The following THOC5 variants were observed in gnomAD, a reference collection of about 807,000 sequenced individuals.
The protein encoded by THOC5 is Fms-interacting protein.
THOC5 carries 43 observed loss-of-function variants against 92.9 expected under a neutral mutation model. The ratio of observed to expected loss-of-function variants is 0.46; its 90% CI spans 0.36 to 0.60. The LOEUF is 0.60. THOC5 is among the 20% of genes least tolerant of loss of function. THOC5 has a pLI of 0.00. For missense variants in THOC5, 659 were observed against 849.4 expected (o/e 0.78, Z 2.79); for synonymous variants, 296 against 320.1 (o/e 0.92, Z 0.80).
intron 12 of THOC5, among the ~76,000 whole-genome samples, chr22:29,522,977 G>C (rs2146475807): frequency 6.6e-6 from 1 of 152,196 alleles, no homozygotes; most frequent in East Asian, 1.9e-4. Flanking sequence ...CTCCAGCCTG[G>C]GCGACAGAGC....
chr22:29,530,383 G>A (rs575402335), intron 8 of THOC5, among the ~76,000 whole-genome samples: 3 of 152,038 alleles, frequency 2.0e-5, no homozygotes, highest in Non-Finnish European at 4.4e-5. Context: ...GCCAGGCACG[G>A]TGGTGGGTGC....
At chr22:29,551,669 T>G (rs1281255733) in intron 1 of THOC5, among the ~76,000 whole-genome samples, 1 of 152,074 alleles carries the variant, frequency 6.6e-6, no homozygotes, top group Non-Finnish European at 1.5e-5. Context: ...GAGGATGGCT[T>G]GAGCCCAGAA....
chr22:29,544,407 G>T, intron 3 of THOC5, 53 bp downstream of exon 3: 2 of 1,575,272 alleles, frequency 1.3e-6, no homozygotes, highest in South Asian at 1.2e-5. Context: ...TGCAAAAACA[G>T]CCTCATCTAT....
chr22:29,541,056 A>T (rs1193136710), intron 5 of THOC5, among the ~76,000 whole-genome samples: 1 of 152,098 alleles, frequency 6.6e-6, no homozygotes, highest in African/African-American at 2.4e-5. Flanking sequence ...GTCTTTACTA[A>T]AAATACGAAA....
intron 11 of THOC5, 57 bp from the exon 12 acceptor site, chr22:29,526,003 C>G (rs1004416946): frequency 2.3e-6 from 3 of 1,305,400 alleles, no homozygotes; most frequent in East Asian, 2.4e-5. Flanking sequence ...GCAGAGTGAA[C>G]AGAGTCATAG....
chr22:29,528,500 G>T, intron 9 of THOC5, 34 bp from the exon 10 acceptor site: 1 of 1,611,370 alleles, frequency 6.2e-7, no homozygotes. Flanking sequence ...CTAGAGGTGA[G>T]GGGGCTCCAA....
chr22:29,525,758 G>A (rs1366862196), intron 12 of THOC5, 80 bp downstream of exon 12: 1 of 1,153,606 alleles, frequency 8.7e-7, no homozygotes, highest in Non-Finnish European at 1.3e-6. Flanking sequence ...GCCAGAGGGA[G>A]GAACCGAGAG....
intron 6 of THOC5, among the ~76,000 whole-genome samples, chr22:29,537,023 C>T (rs914564128): frequency 6.6e-6 from 1 of 152,284 alleles, no homozygotes; most frequent in Admixed American, 6.5e-5. Context: ...AGAACAAACA[C>T]TGCGCTAGGC....
intron 7 of THOC5, among the ~76,000 whole-genome samples, chr22:29,532,882 G>A (rs2063684326): frequency 6.6e-6 from 1 of 152,026 alleles, no homozygotes; most frequent in Non-Finnish European, 1.5e-5. Flanking sequence ...AGAGGCTGAG[G>A]CAGAAGAATT....
intron 8 of THOC5, among the ~76,000 whole-genome samples, chr22:29,530,859 C>T (rs940228138): frequency 6.6e-6 from 1 of 152,140 alleles, no homozygotes; most frequent in African/African-American, 2.4e-5. Context: ...CCTAGCCACA[C>T]TAAGGAGGGA....
intron 17 of THOC5, among the ~76,000 whole-genome samples, chr22:29,514,459 G>A (rs1350324681): frequency 6.6e-6 from 1 of 151,094 alleles, no homozygotes; most frequent in Non-Finnish European, 1.5e-5. Flanking sequence ...TGGGACTACA[G>A]GCGCCCGCCA....
Position 29,531,884 on chromosome 22 carries a change from G to A in THOC5, c.794C>T (p.Pro265Leu), listed in dbSNP as rs199572850. 532 of 1,614,152 alleles carry A rather than the reference G, an allele frequency of 3.3e-4. 2 individuals are homozygous for A. The highest frequency in any genetic ancestry group is 2.2e-4 in the South Asian group (20 of 91,078). ...AACAAAGAGGACATAGAGGGGAGGCGGCAGGTGTCTGGCTGTCTCATACTG... is the reference window on the plus strand; with the variant it reads ...AACAAAGAGGACATAGAGGGGAGGCAGCAGGTGTCTGGCTGTCTCATACTG... ...HKQYETARHL[P>L]PPLYVLFVQA... The change falls in exon 8 of 20, where the codon CCG becomes CTG. Residue 265 changes from proline to leucine, a missense_variant. By Grantham distance (98) the Pro-to-Leu change is moderately conservative. Coordinates refer to ENST00000490103, the MANE Select transcript of THOC5 (RefSeq NM_003678.5).
chr22:29,550,680 T>G (rs1284102780), intron 1 of THOC5: 2 of 152,140 alleles, frequency 1.3e-5, no homozygotes, highest in Non-Finnish European at 2.9e-5. Context: ...ACTTCACTTT[T>G]CTCTGGGTCT....
intron 18 of THOC5, 116 bp from the exon 19 acceptor site, chr22:29,511,412 C>CAGGGGCTAGGT: frequency 8.7e-7 from 1 of 1,150,732 alleles, no homozygotes; most frequent in South Asian, 1.5e-5. Flanking sequence ...AGGGGCTGGG[C>CAGGGGCTAGGT]CAGGGGCTAG....
intron 5 of THOC5, among the ~76,000 whole-genome samples, chr22:29,541,090 G>A (rs2063871850): frequency 6.6e-6 from 1 of 151,874 alleles, no homozygotes; most frequent in Non-Finnish European, 1.5e-5. Flanking sequence ...GGTGGCTCAT[G>A]CATGCAATCG....
chr22:29,543,543 C>T lies in THOC5; in HGVS notation c.241-1G>A. The T allele has an allele frequency of 6.2e-7, 1 of 1,611,854 alleles. No homozygotes were observed. The highest frequency in any genetic ancestry group is 8.5e-7 in the Non-Finnish European group (1 of 1,178,244). On this transcript the variant is annotated splice_acceptor_variant, in intron 3 of 19. Coordinates refer to ENST00000490103, the MANE Select transcript of THOC5 (RefSeq NM_003678.5). LOFTEE classifies it high-confidence loss of function. ...TCCTCCGTTCTTCTATTTCTATTGC[C>T]TGTGGGCAAAGAAAACAGTAAAGCC...
At chr22:29,538,763 C>T (rs1197611971) in intron 6 of THOC5, among the ~76,000 whole-genome samples, 1 of 134,542 alleles carries the variant, frequency 7.4e-6, no homozygotes, top group African/African-American at 2.9e-5. Flanking sequence ...TGCCACAGCA[C>T]TCCATCCTGA....
At chr22:29,529,916 T>C (rs944118222) in intron 8 of THOC5, among the ~76,000 whole-genome samples, 7 of 152,136 alleles carry the variant, frequency 4.6e-5, no homozygotes, top group Non-Finnish European at 8.8e-5. Context: ...CCGAGGCAGG[T>C]GGATCACCTG....
Position 29,521,077 on chromosome 22 carries a change from C to G in THOC5, c.1198G>C (p.Val400Leu). ...SAGDLLSPDS[V>L]LSCLYPGDHG... ...TCCCCAGGATACAAGCAACTCAGGA[C>G]TGAGTCAGGAGACAGCAAGTCACTA... The change falls in exon 13 of 20, where the codon GTC becomes CTC. Residue 400 changes from valine to leucine, a missense_variant. Val to Leu is a conservative substitution (Grantham distance 32, BLOSUM62 1). Coordinates refer to ENST00000490103, the MANE Select transcript of THOC5 (RefSeq NM_003678.5). The G allele has an allele frequency of 3.1e-6, 5 of 1,614,004 alleles. No homozygotes were observed. The highest frequency in any genetic ancestry group is 4.2e-6 in the Non-Finnish European group (5 of 1,179,882).
Sources: gnomAD v4.1 joint callset for allele counts (sites outside exome capture counted in the v4.1 genomes callset) on GRCh38, gnomAD v4.1.1 for gene constraint, MANE v1.5 for transcripts, NCBI Gene and HGNC (gene_info 2026-07-23, HGNC 2026-07-21) for gene names.